Variants in PITPNC1 observed in about 807,000 individuals in gnomAD.
PITPNC1 encodes the protein phosphatidylinositol transfer protein cytoplasmic 1, also known as cytoplasmic phosphatidylinositol transfer protein 1.
Under a neutral mutation model 44.7 loss-of-function variants are expected in PITPNC1, and 18 were observed. That is an observed-to-expected ratio of 0.40 (90% CI 0.28 to 0.60). The LOEUF is 0.60. PITPNC1 is among the 20% of genes least tolerant of loss of function. PITPNC1 has a pLI of 0.39. For synonymous variants in PITPNC1, 141 were observed against 149.6 expected, an observed-to-expected ratio of 0.94 and a Z score of 0.42; for missense variants, 290 against 418.4, an observed-to-expected ratio of 0.69 and a Z score of 2.68.
intron 1 of PITPNC1, among the ~76,000 whole-genome samples, chr17:67,474,941 A>C (rs1224459770): frequency 2.0e-5 from 3 of 152,148 alleles, no homozygotes; most frequent in Non-Finnish European, 4.4e-5. Flanking sequence ...GGCATGAGCC[A>C]CTGCATCCAG....
At chr17:67,418,976 A>G (rs2038625963) in intron 1 of PITPNC1, among the ~76,000 whole-genome samples, 1 of 152,196 alleles carries the variant, frequency 6.6e-6, no homozygotes, top group South Asian at 2.1e-4. Context: ...GAAATCACTC[A>G]GCCTGTGAGA....
intron 2 of PITPNC1, among the ~76,000 whole-genome samples, chr17:67,535,242 G>A (rs2040511968): frequency 6.6e-6 from 1 of 152,214 alleles, no homozygotes; most frequent in Non-Finnish European, 1.5e-5. Flanking sequence ...TCTGTCCTGA[G>A]CATGGCTTTT....
intron 6 of PITPNC1, chr17:67,632,566 G>GCC: frequency 1.3e-5 from 3 of 223,580 alleles, no homozygotes; most frequent in Admixed American, 6.0e-5. Context: ...AATTACATGC[G>GCC]CTCTTTTTTT....
intron 1 of PITPNC1, among the ~76,000 whole-genome samples, chr17:67,481,453 G>C (rs1055001126): frequency 6.6e-6 from 1 of 152,238 alleles, no homozygotes; most frequent in Non-Finnish European, 1.5e-5. Flanking sequence ...GGAGAAAAGA[G>C]AAAAGGAATT....
At chr17:67,668,734 C>T (rs1428865333) in intron 6 of PITPNC1, among the ~76,000 whole-genome samples, 2 of 151,960 alleles carry the variant, frequency 1.3e-5, no homozygotes, top group Admixed American at 6.6e-5. Context: ...TGGTGGCGGG[C>T]ACCTGTAGTC....
chr17:67,656,412 A>G (rs2042268452), intron 6 of PITPNC1, among the ~76,000 whole-genome samples: 1 of 152,154 alleles, frequency 6.6e-6, no homozygotes, highest in Non-Finnish European at 1.5e-5. Flanking sequence ...TTATAAGGAC[A>G]CTTGTCATTG....
intron 8 of PITPNC1, among the ~76,000 whole-genome samples, chr17:67,681,365 C>A (rs533174688): frequency 1.3e-5 from 2 of 152,002 alleles, no homozygotes; most frequent in Admixed American, 6.6e-5. Flanking sequence ...GTAATCCCAG[C>A]ACTTTGGGAG....
At chr17:67,586,544 G>A (rs140508338) in intron 5 of PITPNC1, among the ~76,000 whole-genome samples, 1,724 of 151,780 alleles carry the variant, frequency 0.011, 36 homozygotes, top group African/African-American at 0.04. Context: ...GCAGTGAGCC[G>A]AAATTGTGCC....
At chr17:67,667,570 C>T (rs950790749) in intron 6 of PITPNC1, among the ~76,000 whole-genome samples, 1 of 147,414 alleles carries the variant, frequency 6.8e-6, no homozygotes, top group African/African-American at 2.5e-5. Flanking sequence ...ATATAGTTTA[C>T]ATGTTCTAAG....
At chr17:67,428,065 G>A (rs577454217) in intron 1 of PITPNC1, among the ~76,000 whole-genome samples, 1 of 152,208 alleles carries the variant, frequency 6.6e-6, no homozygotes, top group East Asian at 1.9e-4. Context: ...CAACATCATT[G>A]CACACTGCAG....
chr17:67,660,555 T>TTTATTTA (rs2042330623), intron 6 of PITPNC1, among the ~76,000 whole-genome samples: 1 of 151,102 alleles, frequency 6.6e-6, no homozygotes, highest in African/African-American at 2.4e-5. Flanking sequence ...TATTTATTTA[T>TTTATTTA]TTTTGAGATG....
rs757186832 is a variant in PITPNC1, at chr17:67,695,514, A to ATGTT, written c.*2629_*2632dup. The ATGTT allele has an allele frequency of 7.9e-5, 12 of 151,616 alleles. No homozygotes were observed. The highest frequency in any genetic ancestry group is 1.6e-4 in the Non-Finnish European group (11 of 67,920). The allele number at this position is 151,616 out of a possible 1,614,324, so 9.4% of individuals were successfully genotyped here. A position where few individuals can be genotyped will look rare whatever the true frequency, so the allele number is the denominator to read the frequency against. On this transcript the variant is annotated 3_prime_UTR_variant, in exon 9 of 9. Transcript: ENST00000581322. ...AAGCAGAAACTTGAATTTGCTAAGC[A>ATGTT]TGTTTGGGGGGAAATAGAATCCTTA... is the stretch of plus-strand genomic sequence containing the variant.
chr17:67,468,199 A>G (rs1324404320), intron 1 of PITPNC1, among the ~76,000 whole-genome samples: 1 of 152,152 alleles, frequency 6.6e-6, no homozygotes, highest in Non-Finnish European at 1.5e-5. Flanking sequence ...TGTCTAGTAC[A>G]ACCACCAGCT....
intron 1 of PITPNC1, among the ~76,000 whole-genome samples, chr17:67,385,671 G>A (rs949808443): frequency 6.6e-6 from 1 of 152,120 alleles, no homozygotes; most frequent in East Asian, 1.9e-4. Context: ...AGAACCCACC[G>A]GAAGGAACCA....
intron 1 of PITPNC1, among the ~76,000 whole-genome samples, chr17:67,456,288 ATGT>A (rs1323189224): frequency 2.0e-5 from 3 of 152,028 alleles, no homozygotes; most frequent in Admixed American, 6.6e-5. Context: ...TAAGTTTTGT[ATGT>A]TGTTGTATTT....
chr17:67,380,013 T>C (rs1036892434), intron 1 of PITPNC1, among the ~76,000 whole-genome samples: 3 of 152,136 alleles, frequency 2.0e-5, no homozygotes, highest in African/African-American at 7.2e-5. Flanking sequence ...CGTGGGGTAA[T>C]TACATTTGAA....
At chr17:67,609,779 C>A (rs2041663701) in intron 5 of PITPNC1, among the ~76,000 whole-genome samples, 1 of 150,374 alleles carries the variant, frequency 6.7e-6, no homozygotes, top group South Asian at 2.1e-4. Context: ...CTGGTTAGAT[C>A]CAATTCCAAA....
At position 67,502,942 on chromosome 17, in the gene PITPNC1, T is replaced by C. The variant is rs375926790; in HGVS notation, c.49-29860T>C. ...CCGAGTAGCTGGGATTACAGGTGCA[T>C]GCCACCACTACGCCCAGCTAATTTT... On this transcript the variant is annotated intron_variant, in intron 1 of 8. Coordinates refer to ENST00000581322, the MANE Select transcript of PITPNC1 (RefSeq NM_012417.4). Among the ~76,000 whole-genome samples, 92 of 152,092 alleles carry C rather than the reference T, an allele frequency of 6.0e-4. 1 individual carries two copies. The South Asian group carries it at 0.018, about 29-fold the overall frequency.
At chr17:67,435,443 T>C (rs553253926) in intron 1 of PITPNC1, among the ~76,000 whole-genome samples, 8 of 152,206 alleles carry the variant, frequency 5.3e-5, no homozygotes, top group Admixed American at 2.6e-4. Flanking sequence ...ATTGAATGCC[T>C]TCTTCCAGGC....
Sources: allele counts gnomAD v4.1 joint callset (sites outside exome capture counted in the v4.1 genomes callset), GRCh38; gene constraint gnomAD v4.1.1; transcripts MANE v1.5; gene names NCBI Gene and HGNC (gene_info 2026-07-23, HGNC 2026-07-21).